Variants in RGS5 observed in about 807,000 individuals in gnomAD.
The protein encoded by RGS5 is regulator of G protein signaling 5.
A neutral mutation model predicts 18.9 loss-of-function variants in RGS5; 20 were observed. That is an observed-to-expected ratio of 1.06 (90% confidence interval 0.74 to 1.54). The LOEUF (loss-of-function observed/expected upper bound fraction) is 1.54, where lower values mean the gene tolerates loss of function less well. Among genes scored for constraint, RGS5 ranks in the 40% most tolerant of loss-of-function variants. The probability of loss-of-function intolerance (pLI) is 0.00; values close to 1 mark genes in which losing one functional copy is unlikely to be tolerated. For synonymous variants in RGS5, 57 were observed against 76.2 expected (o/e 0.75, Z 1.31); for missense variants, 201 against 211.8 (o/e 0.95, Z 0.32).
At chr1:163,264,622 A>G (rs1390315514) in intron 2 of RGS5, among the ~76,000 whole-genome samples, 1 of 152,102 alleles carries the variant, frequency 6.6e-6, no homozygotes, top group East Asian at 1.9e-4. Context: ...TTTTGACCTC[A>G]AAGTCCTTCT....
chr1:163,277,205 A>G (rs904591997), intron 2 of RGS5, among the ~76,000 whole-genome samples: 3 of 152,218 alleles, frequency 2.0e-5, no homozygotes, highest in Admixed American at 6.5e-5. Flanking sequence ...CTTTAAATCT[A>G]CCTATGACCT....
intron 1 of RGS5, chr1:163,172,733 A>G (rs1005778819): frequency 1.1e-6 from 1 of 936,650 alleles, no homozygotes; most frequent in African/African-American, 1.7e-5. Context: ...ATTAAATTTA[A>G]TTAGGAGTTC....
chr1:163,150,320 T>C (rs760835691), intron 4 of RGS5, among the ~76,000 whole-genome samples: 4 of 152,216 alleles, frequency 2.6e-5, no homozygotes, highest in Admixed American at 6.5e-5. Flanking sequence ...ATTTTCATAA[T>C]AACCAATAAT....
intron 2 of RGS5, among the ~76,000 whole-genome samples, chr1:163,224,992 G>C (rs931808900): frequency 6.6e-6 from 1 of 152,072 alleles, no homozygotes; most frequent in Non-Finnish European, 1.5e-5. Context: ...TCGTCACTCT[G>C]TTGATTGCTT....
At chr1:163,197,924 T>C (rs1035625649) in intron 1 of RGS5, among the ~76,000 whole-genome samples, 2 of 152,164 alleles carry the variant, frequency 1.3e-5, no homozygotes, top group African/African-American at 4.8e-5. Context: ...GCTTGCCTTT[T>C]CTCTACAATT....
intron 2 of RGS5, among the ~76,000 whole-genome samples, chr1:163,268,655 G>A (rs576269438): frequency 6.6e-6 from 1 of 152,152 alleles, no homozygotes; most frequent in Admixed American, 6.6e-5. Context: ...CTACCTGACA[G>A]CTAGGCACCA....
chr1:163,255,764 T>C (rs1324199452), intron 2 of RGS5, among the ~76,000 whole-genome samples: 1 of 151,720 alleles, frequency 6.6e-6, no homozygotes, highest in East Asian at 1.9e-4. Context: ...TTATCCACCA[T>C]GATCAAGTGG....
intron 2 of RGS5, among the ~76,000 whole-genome samples, chr1:163,284,961 G>A (rs574218682): frequency 2.6e-5 from 4 of 152,132 alleles, no homozygotes; most frequent in South Asian, 2.1e-4. Flanking sequence ...ACAGTTCCAC[G>A]TGCCTGGGGA....
intron 1 of RGS5, among the ~76,000 whole-genome samples, chr1:163,188,448 G>A (rs892565815): frequency 6.6e-6 from 1 of 152,096 alleles, no homozygotes; most frequent in Admixed American, 6.6e-5. Context: ...CAGGGAGAGG[G>A]CACAACCCAG....
At chr1:163,209,166 TTCTATTAAA>T (rs1265922990) in intron 1 of RGS5, among the ~76,000 whole-genome samples, 1 of 152,152 alleles carries the variant, frequency 6.6e-6, no homozygotes, top group Non-Finnish European at 1.5e-5. Flanking sequence ...TTCAAAAACT[TTCTATTAAA>T]TAACTGAGTG....
intron 1 of RGS5, chr1:163,212,009 A>C (rs944506360): frequency 1.3e-5 from 2 of 152,196 alleles, no homozygotes; most frequent in Admixed American, 1.3e-4. Flanking sequence ...GTCCTTTTTG[A>C]TCTTTCTGAG....
At chr1:163,233,580 T>C (rs1193618917) in intron 2 of RGS5, among the ~76,000 whole-genome samples, 1 of 152,186 alleles carries the variant, frequency 6.6e-6, no homozygotes, top group African/African-American at 2.4e-5. Context: ...CAATAAAGCT[T>C]TTAATCACCT....
chr1:163,202,940 T>C, upstream of RGS5: 1 of 1,047,464 alleles, frequency 9.5e-7, no homozygotes, highest in South Asian at 1.4e-5. Flanking sequence ...TCCTGAGGTA[T>C]ATATAGAAGC....
At chr1:163,217,517 T>G (rs1660244636) in intron 1 of RGS5, 2 of 1,529,204 alleles carry the variant, frequency 1.3e-6, no homozygotes, top group African/African-American at 1.4e-5. Flanking sequence ...GACTAATATT[T>G]GTACATACAT....
chr1:163,206,239 T>C (rs73026881), upstream of RGS5, among the ~76,000 whole-genome samples: 6,128 of 152,246 alleles, frequency 0.04, 349 homozygotes, highest in African/African-American at 0.13. Context: ...CACCTTGATC[T>C]TGAACTTCCC....
At chr1:163,207,659 G>A (rs79829947), upstream of RGS5, among the ~76,000 whole-genome samples, 101 of 152,042 alleles carry the variant, frequency 6.6e-4, 1 homozygote, top group East Asian at 0.015. Context: ...TTTACTATCT[G>A]GCTTTTTAAT....
chr1:163,147,121 T>C lies in RGS5; in HGVS notation c.*221A>G. The C allele has an allele frequency of 2.7e-6, 1 of 374,996 alleles. No homozygotes were observed. The highest frequency in any genetic ancestry group is 4.7e-6 in the Non-Finnish European group (1 of 212,838). The allele number at this position is 374,996 out of a possible 1,614,324, so 23.2% of individuals were successfully genotyped here. On this transcript the variant is annotated 3_prime_UTR_variant, in exon 5 of 5. Transcript: ENST00000313961. ...TACAAGCTGAAGATATCTTAATTAA[T>C]AACAGGGCAGGAAGAATTGAGTGGG...
At chr1:163,244,753 T>C (rs1227937997) in intron 2 of RGS5, 2 of 152,150 alleles carry the variant, frequency 1.3e-5, no homozygotes, top group African/African-American at 4.8e-5. Flanking sequence ...CTGTGATGAA[T>C]CACAGAAGTC....
At chr1:163,315,491 T>C (rs910773840) in intron 1 of RGS5, among the ~76,000 whole-genome samples, 34 of 152,330 alleles carry the variant, frequency 2.2e-4, no homozygotes, top group Admixed American at 4.6e-4. Flanking sequence ...CTATACTAAC[T>C]ATATTAAAAT....
Sources: gnomAD v4.1 joint callset for allele counts (sites outside exome capture counted in the v4.1 genomes callset) on GRCh38, gnomAD v4.1.1 for gene constraint, MANE v1.5 for transcripts, NCBI Gene and HGNC (gene_info 2026-07-23, HGNC 2026-07-21) for gene names.